Variants in LRRTM4 observed in about 807,000 individuals in gnomAD.
The protein encoded by LRRTM4 is leucine-rich repeat transmembrane neuronal protein 4.
LRRTM4 carries 25 observed loss-of-function variants against 47.6 expected under a neutral mutation model. The ratio of observed to expected loss-of-function variants is 0.53; its 90% CI spans 0.38 to 0.73. The LOEUF (loss-of-function observed/expected upper bound fraction) is 0.73, where lower values mean the gene tolerates loss of function less well. Among genes scored for constraint, LRRTM4 ranks in the 30% least tolerant of loss-of-function variants. The pLI is 0.00. For missense variants in LRRTM4, 638 were observed against 713.4 expected (o/e 0.89, Z 1.20); for synonymous variants, 311 against 269.5 (o/e 1.15, Z -1.51).
intron 3 of LRRTM4, among the ~76,000 whole-genome samples, chr2:77,411,369 G>T (rs1041521785): frequency 6.6e-6 from 1 of 150,978 alleles, no homozygotes; most frequent in South Asian, 2.1e-4. Context: ...CGGGGTCTTC[G>T]ATTTCTTTCT....
At chr2:77,389,347 CA>C (rs1673412102) in intron 3 of LRRTM4, among the ~76,000 whole-genome samples, 1 of 151,914 alleles carries the variant, frequency 6.6e-6, no homozygotes, top group African/African-American at 2.4e-5. Flanking sequence ...TTCTACCTGC[CA>C]AAAAAGGCAC....
At chr2:77,317,937 A>T (rs965068776) in intron 3 of LRRTM4, among the ~76,000 whole-genome samples, 2 of 151,938 alleles carry the variant, frequency 1.3e-5, no homozygotes, top group Admixed American at 1.3e-4. Context: ...TTCTCAAAAG[A>T]TATAAAACTA....
chr2:76,835,384 CTTTAG>C (rs937398744), intron 3 of LRRTM4, among the ~76,000 whole-genome samples: 3 of 151,980 alleles, frequency 2.0e-5, no homozygotes, highest in Non-Finnish European at 2.9e-5. Context: ...ACAAATACAA[CTTTAG>C]TTTATCTTAA....
At chr2:76,977,180 C>T (rs1003780771) in intron 3 of LRRTM4, among the ~76,000 whole-genome samples, 1 of 151,578 alleles carries the variant, frequency 6.6e-6, no homozygotes, top group African/African-American at 2.4e-5. Context: ...CTAGATTCTA[C>T]ATCCCTTGCC....
At chr2:76,803,482 T>A (rs1675809083) in intron 3 of LRRTM4, among the ~76,000 whole-genome samples, 2 of 152,134 alleles carry the variant, frequency 1.3e-5, no homozygotes, top group South Asian at 4.1e-4. Flanking sequence ...AGCAAACCCT[T>A]GTACGCTGTT....
intron 3 of LRRTM4, among the ~76,000 whole-genome samples, chr2:77,138,546 A>G (rs1672019189): frequency 6.6e-6 from 1 of 152,218 alleles, no homozygotes; most frequent in African/African-American, 2.4e-5. Flanking sequence ...ACAACTTAAC[A>G]TCACAATTAA....
At chr2:77,192,064 A>G (rs146579603) in intron 3 of LRRTM4, among the ~76,000 whole-genome samples, 406 of 152,242 alleles carry the variant, frequency 2.7e-3, no homozygotes, top group African/African-American at 9.1e-3. Context: ...TAAAGCTACA[A>G]TTTCACATAA....
intron 3 of LRRTM4, among the ~76,000 whole-genome samples, chr2:76,851,728 G>C (rs993272050): frequency 1.2e-4 from 17 of 147,536 alleles, no homozygotes; most frequent in African/African-American, 3.7e-4. Context: ...AAGGAAACTT[G>C]CATGCTTAGA....
intron 3 of LRRTM4, among the ~76,000 whole-genome samples, chr2:77,088,555 C>A (rs1297331294): frequency 6.6e-6 from 1 of 151,348 alleles, no homozygotes; most frequent in African/African-American, 2.4e-5. Flanking sequence ...AACGGCCCCA[C>A]CCCTATCTCC....
intron 3 of LRRTM4, among the ~76,000 whole-genome samples, chr2:77,042,895 A>C (rs1679085284): frequency 6.6e-6 from 1 of 151,638 alleles, no homozygotes; most frequent in Admixed American, 6.6e-5. Flanking sequence ...GTCAAGGATA[A>C]GACTTTTTCT....
intron 3 of LRRTM4, among the ~76,000 whole-genome samples, chr2:76,787,077 A>G (rs1674711818): frequency 1.3e-5 from 2 of 152,108 alleles, no homozygotes; most frequent in Admixed American, 1.3e-4. Flanking sequence ...CTTTGTTATT[A>G]ATATCTGGAG....
intron 3 of LRRTM4, among the ~76,000 whole-genome samples, chr2:77,349,157 T>C (rs998110687): frequency 1.3e-5 from 2 of 151,924 alleles, no homozygotes; most frequent in African/African-American, 4.8e-5. Context: ...CCTATTTTGG[T>C]GATGAAATTA....
At chr2:76,830,058 A>C (rs553693305) in intron 3 of LRRTM4, among the ~76,000 whole-genome samples, 9 of 151,956 alleles carry the variant, frequency 5.9e-5, no homozygotes, top group Non-Finnish European at 1.3e-4. Flanking sequence ...CATCTTTAAC[A>C]TGACTGATTT....
chr2:77,210,077 A>T (rs999956652), intron 3 of LRRTM4, among the ~76,000 whole-genome samples: 1 of 152,136 alleles, frequency 6.6e-6, no homozygotes, highest in Admixed American at 6.6e-5. Flanking sequence ...TTATACCAAG[A>T]CCTATTTTAT....
intron 3 of LRRTM4, among the ~76,000 whole-genome samples, chr2:77,331,536 G>A (rs1670971410): frequency 6.6e-6 from 1 of 152,210 alleles, no homozygotes; most frequent in South Asian, 2.1e-4. Flanking sequence ...GCCCTTGGAA[G>A]AGATAGGACA....
intron 3 of LRRTM4, among the ~76,000 whole-genome samples, chr2:76,962,551 A>G (rs538285838): frequency 6.6e-6 from 1 of 150,970 alleles, no homozygotes; most frequent in South Asian, 2.1e-4. Context: ...TAAATAGCTG[A>G]ACTTTTGTGG....
chr2:77,132,969 C>T (rs191149529), intron 3 of LRRTM4, among the ~76,000 whole-genome samples: 110 of 152,236 alleles, frequency 7.2e-4, no homozygotes, highest in African/African-American at 2.3e-3. Context: ...ACTGCTACTA[C>T]GTGACATTTC....
chr2:76,944,067 C>G (rs906589055), intron 3 of LRRTM4, among the ~76,000 whole-genome samples: 10 of 152,142 alleles, frequency 6.6e-5, no homozygotes, highest in Non-Finnish European at 1.2e-4. Context: ...ACTCTCTGAC[C>G]TAAGATATTA....
chr2:76,800,435 CTTATACA>C (rs1251276029), intron 3 of LRRTM4, among the ~76,000 whole-genome samples: 2 of 131,062 alleles, frequency 1.5e-5, no homozygotes, highest in East Asian at 4.5e-4. Context: ...TTCCTTACAC[CTTATACA>C]AAAATCAATT....
Sources: allele counts gnomAD v4.1 joint callset (sites outside exome capture counted in the v4.1 genomes callset), GRCh38; gene constraint gnomAD v4.1.1; transcripts MANE v1.5; gene names NCBI Gene and HGNC (gene_info 2026-07-23, HGNC 2026-07-21).